Variants in ZNF600 observed in about 807,000 individuals in gnomAD.
The protein encoded by ZNF600 is zinc finger protein KR-ZNF1.
A neutral mutation model predicts 7.3 loss-of-function variants in ZNF600; 4 were observed. That is an observed-to-expected ratio of 0.55 (90% CI 0.27 to 1.25). ZNF600 has a LOEUF of 1.25. Among genes scored for constraint, ZNF600 ranks in the 50% most tolerant of loss-of-function variants. The pLI is 0.12. For synonymous variants in ZNF600, 290 were observed against 308.9 expected, an observed-to-expected ratio of 0.94 and a Z score of 0.64; for missense variants, 911 against 922.1, an observed-to-expected ratio of 0.99 and a Z score of 0.16.
chr19:52,799,349 T>G, the ZNF600 span: 3 of 527,354 alleles, frequency 5.7e-6, no homozygotes, highest in East Asian at 6.9e-5. Context: ...AAACCTTACA[T>G]CTGTGTGGTT....
At chr19:52,787,616 T>C (rs1246673536), upstream of ZNF600, among the ~76,000 whole-genome samples, 1 of 151,298 alleles carries the variant, frequency 6.6e-6, no homozygotes, top group African/African-American at 2.4e-5. Flanking sequence ...CTCAGCACTT[T>C]GGGAGGCTGA....
intron 3 of ZNF600, among the ~76,000 whole-genome samples, chr19:52,770,517 C>T (rs1484358536): frequency 6.6e-6 from 1 of 152,110 alleles, no homozygotes; most frequent in Admixed American, 6.6e-5. Flanking sequence ...TATGTAACAG[C>T]CAGGCAATAC....
At chr19:52,813,250 A>G in the ZNF600 span, among the ~76,000 whole-genome samples, 2 of 10,924 alleles carry the variant, frequency 1.8e-4, no homozygotes, top group African/African-American at 4.9e-4. Context: ...TTGAATGGTG[A>G]AAAAAAAAAA....
chr19:52,827,576 G>A, the ZNF600 span, among the ~76,000 whole-genome samples: 1 of 151,168 alleles, frequency 6.6e-6, no homozygotes, highest in Non-Finnish European at 1.5e-5. Context: ...ATAGAAGAAG[G>A]ATTTTTTTTT....
At chr19:52,793,769 C>G in the ZNF600 span, among the ~76,000 whole-genome samples, 1 of 3,596 alleles carries the variant, frequency 2.8e-4, no homozygotes, top group Admixed American at 4.3e-3. Context: ...CTCTGCCACA[C>G]ACACACACAC....
At chr19:52,812,787 A>AAG in the ZNF600 span, among the ~76,000 whole-genome samples, 2 of 131,076 alleles carry the variant, frequency 1.5e-5, no homozygotes, top group African/African-American at 5.5e-5. Context: ...AAAAAAAAAA[A>AAG]GTTTTAAGTG....
chr19:52,814,738 T>G, the ZNF600 span, among the ~76,000 whole-genome samples: 92 of 145,690 alleles, frequency 6.3e-4, 13 homozygotes, highest in African/African-American at 2.3e-3. Flanking sequence ...TACCAAAAAA[T>G]TATCTGGACA....
the ZNF600 span, chr19:52,808,013 A>G: frequency 1.2e-6 from 2 of 1,613,270 alleles, no homozygotes; most frequent in Admixed American, 1.7e-5. Flanking sequence ...TCACCCAGGG[A>G]GACCAGGTTC....
At chr19:52,810,445 T>C in the ZNF600 span, 14 of 1,598,456 alleles carry the variant, frequency 8.8e-6, no homozygotes, top group South Asian at 3.3e-5. Context: ...TTTGCATATA[T>C]AGAGTTCTCA....
upstream of ZNF600, among the ~76,000 whole-genome samples, chr19:52,789,098 G>A (rs939020438): frequency 1.3e-5 from 2 of 152,172 alleles, no homozygotes; most frequent in African/African-American, 4.8e-5. Flanking sequence ...TCAAATGGGG[G>A]ACTGTGGGAG....
intron 1 of ZNF600, among the ~76,000 whole-genome samples, chr19:52,779,245 C>G (rs1219610649): frequency 6.6e-6 from 1 of 152,192 alleles, no homozygotes; most frequent in Admixed American, 6.5e-5. Flanking sequence ...ACAGGCTGAG[C>G]TCAGCCCTCA....
the ZNF600 span, chr19:52,809,813 G>GAGCGGCGAAGGC: frequency 2.9e-6 from 1 of 343,486 alleles, no homozygotes; most frequent in East Asian, 3.6e-5. Context: ...AGCCCAGTCT[G>GAGCGGCGAAGGC]AGCGGCGAAG....
At chr19:52,813,879 TA>T in the ZNF600 span, among the ~76,000 whole-genome samples, 1 of 146,122 alleles carries the variant, frequency 6.8e-6, no homozygotes, top group East Asian at 2.0e-4. Flanking sequence ...TTTTCCCTTT[TA>T]TTTGGAGGGA....
intron 3 of ZNF600, among the ~76,000 whole-genome samples, chr19:52,773,229 T>A (rs529137986): frequency 6.6e-6 from 1 of 152,300 alleles, no homozygotes; most frequent in South Asian, 2.1e-4. Flanking sequence ...TCCACTAGGA[T>A]AGACCAAATC....
chr19:52,777,707 A>T (rs1240635618), intron 2 of ZNF600, among the ~76,000 whole-genome samples: 3 of 151,694 alleles, frequency 2.0e-5, no homozygotes, highest in Non-Finnish European at 2.9e-5. Context: ...GTGCATCCTG[A>T]AGTCCCAGCA....
chr19:52,832,582 G>A, the ZNF600 span, among the ~76,000 whole-genome samples: 1 of 151,974 alleles, frequency 6.6e-6, no homozygotes, highest in African/African-American at 2.4e-5. Flanking sequence ...GCAATAGAGC[G>A]AGACTCCATC....
upstream of ZNF600, among the ~76,000 whole-genome samples, chr19:52,787,797 G>T (rs1162976953): frequency 1.2e-4 from 17 of 147,806 alleles, no homozygotes; most frequent in South Asian, 4.3e-4. Flanking sequence ...GAGGCGGAGC[G>T]TGCAGTGAGC....
the ZNF600 span, chr19:52,801,614 T>TTA: frequency 1.2e-6 from 2 of 1,614,156 alleles, no homozygotes; most frequent in Non-Finnish European, 1.7e-6. Context: ...GATGACTTGC[T>TTA]TGTCTTTGCA....
the ZNF600 span, among the ~76,000 whole-genome samples, chr19:52,811,224 C>G: frequency 2.0e-4 from 30 of 151,342 alleles, no homozygotes; most frequent in African/African-American, 6.8e-4. Flanking sequence ...AGTGCAGCGG[C>G]GTGATCTCGG....
Sources: allele counts gnomAD v4.1 joint callset (sites outside exome capture counted in the v4.1 genomes callset), GRCh38; gene constraint gnomAD v4.1.1; transcripts MANE v1.5; gene names NCBI Gene and HGNC (gene_info 2026-07-23, HGNC 2026-07-21).